The following NREP variants were observed in gnomAD, a reference collection of about 807,000 sequenced individuals.
NREP encodes neuronal regeneration-related protein.
Under a neutral mutation model 8.6 loss-of-function variants are expected in NREP, and 5 were observed. That is an observed-to-expected ratio of 0.58 (90% CI 0.30 to 1.22). The LOEUF is 1.22. NREP is among the 50% of genes most tolerant of loss of function. The pLI is 0.07. For missense variants in NREP, 86 were observed against 82.5 expected, an observed-to-expected ratio of 1.04 and a Z score of -0.17; for synonymous variants, 27 against 28.0, an observed-to-expected ratio of 0.96 and a Z score of 0.11.
At chr5:111,757,636 G>A, upstream of NREP, 2 of 982,958 alleles carry the variant, frequency 2.0e-6, no homozygotes, top group Non-Finnish European at 2.4e-6. Flanking sequence ...CCCCGCACCC[G>A]CGCCCCGGGC....
intron 2 of NREP, among the ~76,000 whole-genome samples, chr5:111,820,474 C>T (rs549702274): frequency 1.3e-5 from 2 of 151,978 alleles, no homozygotes; most frequent in Non-Finnish European, 2.9e-5. Flanking sequence ...AGTATGATTA[C>T]TAAACTATGT....
chr5:111,777,193 T>C (rs1031581969), intron 2 of NREP, among the ~76,000 whole-genome samples: 1 of 152,168 alleles, frequency 6.6e-6, no homozygotes, highest in Non-Finnish European at 1.5e-5. Context: ...TCCTCAATTC[T>C]TCTATGGATG....
intron 2 of NREP, among the ~76,000 whole-genome samples, chr5:111,866,705 T>C (rs1001118392): frequency 2.0e-5 from 3 of 152,126 alleles, no homozygotes; most frequent in Admixed American, 6.6e-5. Flanking sequence ...CGTATGTTTA[T>C]TGCGGCACTA....
intron 2 of NREP, among the ~76,000 whole-genome samples, chr5:111,943,907 T>C (rs139144085): frequency 2.0e-5 from 3 of 152,252 alleles, no homozygotes; most frequent in Non-Finnish European, 4.4e-5. Flanking sequence ...TCAAGAAAAT[T>C]GTGATTTTTA....
intron 2 of NREP, among the ~76,000 whole-genome samples, chr5:111,875,984 T>G (rs998255104): frequency 6.6e-6 from 1 of 152,178 alleles, no homozygotes; most frequent in African/African-American, 2.4e-5. Context: ...CTGATCTACA[T>G]AGAGCACAAA....
chr5:111,840,307 T>G (rs1352830636), intron 2 of NREP, among the ~76,000 whole-genome samples: 1 of 152,094 alleles, frequency 6.6e-6, no homozygotes, highest in African/African-American at 2.4e-5. Context: ...TTTGTTTTGT[T>G]TGCTTTCTTA....
chr5:111,844,045 A>G (rs1371519486), intron 2 of NREP, among the ~76,000 whole-genome samples: 4 of 152,236 alleles, frequency 2.6e-5, no homozygotes, highest in Admixed American at 2.6e-4. Flanking sequence ...GTATAGGTAT[A>G]ATAGAAAGGT....
Position 111,895,152 on chromosome 5 carries a change from T to C in NREP, c.135+80122A>G, listed in dbSNP as rs570511313. Among the ~76,000 whole-genome samples, 16 of 152,376 alleles carry C rather than the reference T, an allele frequency of 1.1e-4. No individual in the cohort carries two copies. In the East Asian group the frequency reaches 3.1e-3, roughly 29 times the overall value. On this transcript the variant is annotated intron_variant, in intron 2 of 3. Coordinates refer to the NREP transcript ENST00000395634. ...ATCAATATACTTTCAATTGTGTTTG[T>C]TACAGAATGGTGTGTGAAATGAATA...
At chr5:111,782,145 G>A (rs1751508029) in intron 2 of NREP, among the ~76,000 whole-genome samples, 1 of 152,174 alleles carries the variant, frequency 6.6e-6, no homozygotes, top group South Asian at 2.1e-4. Context: ...AATGGTAGCT[G>A]TGATTATTGT....
intron 2 of NREP, among the ~76,000 whole-genome samples, chr5:111,861,676 T>C (rs1461090576): frequency 6.6e-6 from 1 of 152,180 alleles, no homozygotes; most frequent in Non-Finnish European, 1.5e-5. Context: ...CATTAGGTTA[T>C]CTTAGACTCT....
At chr5:111,958,252 C>T (rs961530748) in intron 2 of NREP, among the ~76,000 whole-genome samples, 2 of 151,568 alleles carry the variant, frequency 1.3e-5, no homozygotes, top group Non-Finnish European at 3.0e-5. Flanking sequence ...AATTATAATA[C>T]TATAATTTTA....
At chr5:111,894,045 C>T (rs1754452796) in intron 2 of NREP, among the ~76,000 whole-genome samples, 1 of 151,824 alleles carries the variant, frequency 6.6e-6, no homozygotes, top group Middle Eastern at 3.2e-3. Flanking sequence ...TGATGAAACC[C>T]CATCTGTACT....
rs34538408 is a variant in NREP, at chr5:111,770,554, C to CTTTT, written c.136-35051_136-35048dup. Reference sequence around the variant, plus strand: ...TTATTTGGTAAAGAAGAATTATTTCCTTTTTTTTTTTTTTTTTTTTTTTTT... The same window carrying CTTTT: ...TTATTTGGTAAAGAAGAATTATTTCCTTTTTTTTTTTTTTTTTTTTTTTTTTTTT... On this transcript the variant is annotated intron_variant, in intron 2 of 3. Coordinates refer to the NREP transcript ENST00000395634. 1.7e-3 allele frequency among the ~76,000 whole-genome samples: 126 copies of CTTTT among 73,628 alleles called. 10 individuals carry two copies. Among genetic ancestry groups the CTTTT allele is most frequent in the Non-Finnish European group, 2.1e-3 (77 of 37,516 alleles). 48.3% of individuals were successfully genotyped at this position (73,628 alleles called of 152,430 possible).
chr5:111,817,300 G>C (rs1581138770), intron 2 of NREP, among the ~76,000 whole-genome samples: 1 of 152,202 alleles, frequency 6.6e-6, no homozygotes, highest in South Asian at 2.1e-4. Flanking sequence ...CGGAACCTCA[G>C]TGCATCATTG....
At position 111,735,515 on chromosome 5, in the gene NREP, G is replaced by T; in HGVS notation, c.4-8C>A. On this transcript the variant is annotated splice_region_variant and splice_polypyrimidine_tract_variant and intron_variant, in intron 2 of 3. Coordinates refer to ENST00000257435, the MANE Select transcript of NREP (RefSeq NM_004772.4). ...GAGTTCTGGGTAATAAACCTATAGAGACACAAAAGCATACACATTCAGATT... is the reference window on the plus strand; with the variant it reads ...GAGTTCTGGGTAATAAACCTATAGATACACAAAAGCATACACATTCAGATT... 1 of 1,601,670 alleles carries T rather than the reference G, an allele frequency of 6.2e-7. No homozygotes were observed. The highest frequency in any genetic ancestry group is 1.1e-5 in the South Asian group (1 of 90,588).
intron 2 of NREP, among the ~76,000 whole-genome samples, chr5:111,824,401 T>C (rs1168017126): frequency 6.6e-6 from 1 of 152,158 alleles, no homozygotes; most frequent in Non-Finnish European, 1.5e-5. Flanking sequence ...AAATATGTTT[T>C]AGAGCCTAAC....
intron 2 of NREP, among the ~76,000 whole-genome samples, chr5:111,789,223 G>T (rs1751683858): frequency 6.6e-6 from 1 of 151,948 alleles, no homozygotes; most frequent in African/African-American, 2.4e-5. Context: ...GTTTCTCTAG[G>T]GAAGCATCAT....
At chr5:111,925,268 G>A (rs553058589) in intron 2 of NREP, among the ~76,000 whole-genome samples, 2 of 96,550 alleles carry the variant, frequency 2.1e-5, no homozygotes, top group East Asian at 2.8e-4. Flanking sequence ...GGACGGAGAT[G>A]TCTCTCCGTC....
chr5:111,758,276 C>T, upstream of NREP: 1 of 985,282 alleles, frequency 1.0e-6, no homozygotes, highest in Non-Finnish European at 1.2e-6. Flanking sequence ...TGCGGCCTGG[C>T]GTGATCGGCC....
Sources: gnomAD v4.1 joint callset for allele counts (sites outside exome capture counted in the v4.1 genomes callset) on GRCh38, gnomAD v4.1.1 for gene constraint, MANE v1.5 for transcripts, NCBI Gene and HGNC (gene_info 2026-07-23, HGNC 2026-07-21) for gene names.